GPBP1: variants seen among roughly 807,000 people sequenced by gnomAD.
GPBP1 encodes the protein vasculin.
In GPBP1, 13 loss-of-function variants were observed where a neutral mutation model predicts 56.5. That is an observed-to-expected ratio of 0.23 (90% CI 0.15 to 0.37). GPBP1 has a LOEUF of 0.37. GPBP1 is among the 10% of genes least tolerant of loss of function. The pLI, the probability that GPBP1 is intolerant of heterozygous loss-of-function variation, is 1.00. For missense variants in GPBP1, 477 were observed against 572.3 expected (o/e 0.83, Z 1.70); for synonymous variants, 204 against 188.9 (o/e 1.08, Z -0.66).
chr5:57,259,617 C>T (rs928045933), intron 10 of GPBP1, among the ~76,000 whole-genome samples: 1 of 152,094 alleles, frequency 6.6e-6, no homozygotes, highest in Non-Finnish European at 1.5e-5. Context: ...TGGGCCCCCT[C>T]TAAAATTTAA....
Position 57,231,142 on chromosome 5 carries a change from A to C in GPBP1, c.232A>C (p.Arg78=), listed in dbSNP as rs1297862312. 3 of 1,614,094 alleles carry C rather than the reference A, an allele frequency of 1.9e-6. No homozygotes were observed. The highest frequency in any genetic ancestry group is 2.5e-6 in the Non-Finnish European group (3 of 1,180,024). The change falls in exon 5 of 12, where the codon AGA becomes CGA. Residue 78 remains arginine, a synonymous_variant. Coordinates refer to ENST00000506184, the MANE Select transcript of GPBP1 (RefSeq NM_022913.4). The stretch of plus-strand genomic sequence containing the variant: ...AAAAAATGGATGGCGTACACATGGA[A>C]GAAATGGTACAGAAAACATAAATCA... ...KEKNGWRTHG[R]NGTENINHRG...
chr5:57,212,873 A>C (rs577143606), intron 2 of GPBP1, among the ~76,000 whole-genome samples: 1 of 151,670 alleles, frequency 6.6e-6, no homozygotes, highest in East Asian at 2.0e-4. Flanking sequence ...GGGTTTCACT[A>C]TGCTGGCCAG....
At chr5:57,209,620 G>GTT (rs145185917) in intron 2 of GPBP1, among the ~76,000 whole-genome samples, 2 of 151,884 alleles carry the variant, frequency 1.3e-5, no homozygotes, top group Non-Finnish European at 2.9e-5. Context: ...ATGTGCTGTG[G>GTT]TTTTTTTTAA....
chr5:57,213,256 G>A (rs1363776220), intron 2 of GPBP1, among the ~76,000 whole-genome samples: 1 of 151,920 alleles, frequency 6.6e-6, no homozygotes, highest in Non-Finnish European at 1.5e-5. Context: ...TCACCATGTT[G>A]GCTAGGCTGG....
At chr5:57,228,762 C>CTA (rs1217638153) in intron 3 of GPBP1, among the ~76,000 whole-genome samples, 1 of 150,958 alleles carries the variant, frequency 6.6e-6, no homozygotes, top group Non-Finnish European at 1.5e-5. Flanking sequence ...TTTTAAAATG[C>CTA]TATAAGGTGC....
intron 2 of GPBP1, among the ~76,000 whole-genome samples, chr5:57,192,468 A>T (rs1465857199): frequency 6.6e-6 from 1 of 152,096 alleles, no homozygotes; most frequent in Non-Finnish European, 1.5e-5. Flanking sequence ...AAAATTTAGG[A>T]GTTGGCTGGG....
intron 6 of GPBP1, among the ~76,000 whole-genome samples, chr5:57,238,473 G>A (rs1371987732): frequency 6.6e-6 from 1 of 152,064 alleles, no homozygotes; most frequent in Non-Finnish European, 1.5e-5. Context: ...CAGGAGAATC[G>A]CTTGAACCTG....
chr5:57,249,239 C>T, intron 8 of GPBP1, 170 bp from the exon 9 acceptor site: 1 of 473,352 alleles, frequency 2.1e-6, no homozygotes, highest in Non-Finnish European at 3.8e-6. Flanking sequence ...ATTTTGTTGA[C>T]TCATTCAGTA....
intron 2 of GPBP1, among the ~76,000 whole-genome samples, chr5:57,197,093 TA>T (rs1754797946): frequency 6.6e-6 from 1 of 152,168 alleles, no homozygotes; most frequent in Non-Finnish European, 1.5e-5. Flanking sequence ...TTTTGAATTT[TA>T]GTAGAGACAG....
chr5:57,214,090 G>T lies in GPBP1; in HGVS notation c.-41G>T. The T allele has an allele frequency of 6.4e-7, 1 of 1,566,448 alleles. No homozygotes were observed. Among genetic ancestry groups the T allele is most frequent in the Admixed American group, 1.7e-5 (1 of 59,906 alleles). On this transcript the variant is annotated 5_prime_UTR_variant, in exon 3 of 12. Coordinates refer to ENST00000506184, the MANE Select transcript of GPBP1 (RefSeq NM_022913.4). ...ATGTGACAGGGACTTGCCATGAGGT[G>T]TTGAAGCCTTGTTTCACTGAGTTGG...
chr5:57,180,558 A>G (rs192053155), intron 2 of GPBP1, among the ~76,000 whole-genome samples: 88 of 152,306 alleles, frequency 5.8e-4, no homozygotes, highest in African/African-American at 9.9e-4. Context: ...ACTGATGTAG[A>G]AAAAGGGTCA....
intron 3 of GPBP1, among the ~76,000 whole-genome samples, chr5:57,230,230 C>T (rs1756392475): frequency 6.6e-6 from 1 of 152,050 alleles, no homozygotes; most frequent in South Asian, 2.1e-4. Flanking sequence ...CCGCGCCCGG[C>T]CTAAAATTAA....
chr5:57,245,290 C>T (rs1741039907), intron 6 of GPBP1, among the ~76,000 whole-genome samples: 1 of 152,154 alleles, frequency 6.6e-6, no homozygotes, highest in Non-Finnish European at 1.5e-5. Flanking sequence ...TTTAGCATTT[C>T]AATAGGTGAA....
chr5:57,233,724 C>T (rs893922600), intron 5 of GPBP1, among the ~76,000 whole-genome samples: 1 of 152,044 alleles, frequency 6.6e-6, no homozygotes, highest in African/African-American at 2.4e-5. Context: ...AGGGGTTGGT[C>T]TTGCTGTCTC....
At chr5:57,235,876 G>T in intron 5 of GPBP1, 90 bp from the exon 6 acceptor site, 1 of 910,606 alleles carries the variant, frequency 1.1e-6, no homozygotes, top group Non-Finnish European at 1.8e-6. Context: ...GGTCATATTT[G>T]ATTCATCAGT....
chr5:57,229,268 GGAGT>G (rs1756337336), intron 3 of GPBP1, among the ~76,000 whole-genome samples: 1 of 76,716 alleles, frequency 1.3e-5, no homozygotes, highest in Admixed American at 1.1e-4. Flanking sequence ...AAAAAAAAAA[GGAGT>G]TGTCTGTCTT....
At chr5:57,218,566 A>T (rs1390537873) in intron 3 of GPBP1, among the ~76,000 whole-genome samples, 1 of 152,104 alleles carries the variant, frequency 6.6e-6, no homozygotes, top group Non-Finnish European at 1.5e-5. Context: ...GGTGGGGCTG[A>T]AAGTTCATAC....
At chr5:57,253,867 T>C (rs1580081779) in intron 10 of GPBP1, among the ~76,000 whole-genome samples, 1 of 152,202 alleles carries the variant, frequency 6.6e-6, no homozygotes, top group East Asian at 1.9e-4. Context: ...CAAGTGATAC[T>C]CCTGCCTCAG....
chr5:57,260,193 A>G (rs1402525007), intron 10 of GPBP1, among the ~76,000 whole-genome samples: 1 of 152,124 alleles, frequency 6.6e-6, no homozygotes, highest in Non-Finnish European at 1.5e-5. Flanking sequence ...GGTATTGGCT[A>G]TTTCTGTTGT....
Sources: allele counts gnomAD v4.1 joint callset (sites outside exome capture counted in the v4.1 genomes callset), GRCh38; gene constraint gnomAD v4.1.1; transcripts MANE v1.5; gene names NCBI Gene and HGNC (gene_info 2026-07-23, HGNC 2026-07-21).